LAMA2: variants seen among roughly 807,000 people sequenced by gnomAD.
LAMA2 encodes the protein laminin subunit alpha-2.
A neutral mutation model predicts 364.8 loss-of-function variants in LAMA2; 269 were observed. The ratio of observed to expected loss-of-function variants is 0.74; its 90% CI spans 0.67 to 0.82. The LOEUF is 0.82. LAMA2 is among the 40% of genes least tolerant of loss of function. LAMA2 has a pLI of 0.00. For synonymous variants in LAMA2, 1,379 were observed against 1,370.6 expected (o/e 1.01, Z -0.14); for missense variants, 3,807 against 3,873.2 (o/e 0.98, Z 0.45).
chr6:129,471,447 A>C (rs1235925724), intron 51 of LAMA2, among the ~76,000 whole-genome samples: 1 of 151,894 alleles, frequency 6.6e-6, no homozygotes, highest in African/African-American at 2.4e-5. Flanking sequence ...TCATTCATGG[A>C]TAAGGAGGAA....
chr6:129,192,960 A>G (rs1781619857), intron 12 of LAMA2, 107 bp downstream of exon 12: 1 of 1,173,266 alleles, frequency 8.5e-7, no homozygotes, highest in Non-Finnish European at 1.2e-6. Context: ...TACACACTGA[A>G]TTGGATTGCC....
At chr6:129,119,420 A>G (rs1776671220) in intron 4 of LAMA2, among the ~76,000 whole-genome samples, 1 of 152,090 alleles carries the variant, frequency 6.6e-6, no homozygotes, top group Non-Finnish European at 1.5e-5. Context: ...GCAATGTTGT[A>G]ATGACTATCT....
At chr6:129,385,084 GGAGGGAGGAAA>G in intron 35 of LAMA2, among the ~76,000 whole-genome samples, 1 of 6,908 alleles carries the variant, frequency 1.4e-4, no homozygotes, top group African/African-American at 5.7e-4. Context: ...GGAAGAGAGG[GGAGGGAGGAAA>G]AAGGAAGGAA....
chr6:129,121,501 T>C (rs1433887678), intron 4 of LAMA2, among the ~76,000 whole-genome samples: 1 of 152,192 alleles, frequency 6.6e-6, no homozygotes, highest in Non-Finnish European at 1.5e-5. Flanking sequence ...GTGTTTTCAA[T>C]GGTGTGTCTG....
intron 51 of LAMA2, among the ~76,000 whole-genome samples, chr6:129,470,875 A>C (rs1160225641): frequency 2.0e-5 from 3 of 151,886 alleles, no homozygotes; most frequent in African/African-American, 7.2e-5. Context: ...GTCCTTCAGG[A>C]GTGTTCCCCA....
At chr6:129,119,626 C>T (rs1184601275) in intron 4 of LAMA2, among the ~76,000 whole-genome samples, 1 of 152,156 alleles carries the variant, frequency 6.6e-6, no homozygotes, top group African/African-American at 2.4e-5. Flanking sequence ...TGGCTCACTG[C>T]AAGCTCCGCC....
intron 2 of LAMA2, among the ~76,000 whole-genome samples, chr6:129,053,460 G>T (rs1788234954): frequency 6.6e-6 from 1 of 152,094 alleles, no homozygotes; most frequent in South Asian, 2.1e-4. Flanking sequence ...CTCTTGTATA[G>T]AATGTAAGAG....
At chr6:129,370,383 A>G (rs897262553) in intron 34 of LAMA2, among the ~76,000 whole-genome samples, 3 of 152,222 alleles carry the variant, frequency 2.0e-5, no homozygotes, top group Admixed American at 2.0e-4. Context: ...ATTAGTATAG[A>G]AATACAGTGT....
intron 1 of LAMA2, among the ~76,000 whole-genome samples, chr6:128,932,084 T>C (rs1375142513): frequency 6.6e-6 from 1 of 152,210 alleles, no homozygotes; most frequent in East Asian, 1.9e-4. Flanking sequence ...CAAAATAATA[T>C]TAAAATATGC....
At chr6:129,198,992 C>T (rs556341569) in intron 12 of LAMA2, among the ~76,000 whole-genome samples, 64 of 152,180 alleles carry the variant, frequency 4.2e-4, no homozygotes, top group Admixed American at 3.5e-3. Context: ...ACAACTGGGA[C>T]GTACTCCTCA....
chr6:129,229,380 T>C (rs1784529131), intron 12 of LAMA2, among the ~76,000 whole-genome samples: 1 of 152,144 alleles, frequency 6.6e-6, no homozygotes, highest in African/African-American at 2.4e-5. Context: ...CCCTAAGATA[T>C]GAATGTGGCT....
rs913383053 is a variant in LAMA2, at chr6:129,490,111, G to C, written c.7899-1790G>C. On this transcript the variant is annotated intron_variant, in intron 56 of 64. Transcript: ENST00000421865. ...CCTTCTCAATAAAAACTAAAGAAATGATCTAGATTTGATGTTCCTAAAAGG... is the reference window on the plus strand; with the variant it reads ...CCTTCTCAATAAAAACTAAAGAAATCATCTAGATTTGATGTTCCTAAAAGG... 4.6e-5 allele frequency among the ~76,000 whole-genome samples: 7 copies of C among 152,168 alleles called. No homozygotes were observed. In the South Asian group the frequency reaches 1.0e-3, roughly 23 times the overall value.
chr6:128,929,630 C>T, intron 1 of LAMA2: 2 of 1,406,648 alleles, frequency 1.4e-6, no homozygotes, highest in Non-Finnish European at 2.0e-6. Flanking sequence ...CTGACCTGCT[C>T]AAATATGGAA....
chr6:129,293,916 T>C (rs1789896184), intron 20 of LAMA2, among the ~76,000 whole-genome samples: 1 of 152,242 alleles, frequency 6.6e-6, no homozygotes, highest in South Asian at 2.1e-4. Context: ...CTGGCCTCAT[T>C]ACTTCCTAGC....
chr6:129,514,358 T>C lies in LAMA2; in HGVS notation c.8989-15T>C, dbSNP rs372370665. 1 of 1,577,138 alleles carries C rather than the reference T, an allele frequency of 6.3e-7. No homozygotes were observed. The highest frequency in any genetic ancestry group is 8.7e-7 in the Non-Finnish European group (1 of 1,146,426). On this transcript the variant is annotated splice_polypyrimidine_tract_variant and intron_variant, in intron 63 of 64. Coordinates refer to ENST00000421865, the MANE Select transcript of LAMA2 (RefSeq NM_000426.4). ...AATGAAACCATCTGTGACTGTTCTATTTCCTACTTTCCAGTTGATGTTTCA... is the reference window on the plus strand; with the variant it reads ...AATGAAACCATCTGTGACTGTTCTACTTCCTACTTTCCAGTTGATGTTTCA...
At chr6:129,048,771 C>T (rs1043457888) in intron 1 of LAMA2, among the ~76,000 whole-genome samples, 9 of 151,696 alleles carry the variant, frequency 5.9e-5, no homozygotes, top group African/African-American at 1.5e-4. Flanking sequence ...CCCACCACCA[C>T]GCCCTGCTAA....
intron 1 of LAMA2, among the ~76,000 whole-genome samples, chr6:128,962,179 T>TACACAC: frequency 8.3e-6 from 1 of 120,244 alleles, no homozygotes; most frequent in African/African-American, 3.7e-5. Flanking sequence ...TATATATATA[T>TACACAC]ATATATACAC....
At chr6:129,083,495 G>T (rs1471753358) in intron 3 of LAMA2, among the ~76,000 whole-genome samples, 2 of 152,122 alleles carry the variant, frequency 1.3e-5, no homozygotes, top group Non-Finnish European at 2.9e-5. Flanking sequence ...CATTGCATTT[G>T]CAATCTTCTT....
chr6:129,150,207 C>A (rs1020848072), intron 7 of LAMA2, among the ~76,000 whole-genome samples: 1 of 152,122 alleles, frequency 6.6e-6, no homozygotes, highest in African/African-American at 2.4e-5. Context: ...GGTAGGGGAC[C>A]ATTGGAAGCC....
Sources: gnomAD v4.1 joint callset for allele counts (sites outside exome capture counted in the v4.1 genomes callset) on GRCh38, gnomAD v4.1.1 for gene constraint, MANE v1.5 for transcripts, NCBI Gene and HGNC (gene_info 2026-07-23, HGNC 2026-07-21) for gene names.